The following PCDH7 variants were observed in gnomAD, a reference collection of about 807,000 sequenced individuals.
PCDH7 encodes the protein protocadherin-7.
PCDH7 carries 17 observed loss-of-function variants against 58.9 expected under a neutral mutation model. The ratio of observed to expected loss-of-function variants is 0.29; its 90% confidence interval spans 0.20 to 0.43. The LOEUF (loss-of-function observed/expected upper bound fraction) is 0.43, where lower values mean the gene tolerates loss of function less well. PCDH7 is among the 20% of genes least tolerant of loss of function. The pLI is 1.00. For missense variants in PCDH7, 1,274 were observed against 1,441.0 expected (o/e 0.88, Z 1.88); for synonymous variants, 664 against 616.4 (o/e 1.08, Z -1.14).
chr4:30,875,225 G>A (rs762856031), intron 1 of PCDH7, among the ~76,000 whole-genome samples: 5 of 151,994 alleles, frequency 3.3e-5, no homozygotes, highest in African/African-American at 4.8e-5. Context: ...GGCCATCGTC[G>A]TGTTCACATC....
chr4:30,949,494 T>C (rs748277488), intron 2 of PCDH7, among the ~76,000 whole-genome samples: 1 of 152,156 alleles, frequency 6.6e-6, no homozygotes, highest in Non-Finnish European at 1.5e-5. Flanking sequence ...TTTGAAAGTA[T>C]ACATAGTCCA....
chr4:30,897,168 T>C (rs1739555765), intron 1 of PCDH7, among the ~76,000 whole-genome samples: 1 of 152,094 alleles, frequency 6.6e-6, no homozygotes, highest in Non-Finnish European at 1.5e-5. Flanking sequence ...CCTCCCAAAG[T>C]GCTGGGATTA....
chr4:30,957,450 T>G, intron 3 of PCDH7, among the ~76,000 whole-genome samples: 1 of 152,098 alleles, frequency 6.6e-6, no homozygotes, highest in East Asian at 1.9e-4. Context: ...TGCAGGAAAA[T>G]ATTTTAAAAA....
chr4:30,765,438 GTTGT>G (rs1355395083), intron 1 of PCDH7, among the ~76,000 whole-genome samples: 1 of 152,016 alleles, frequency 6.6e-6, no homozygotes, highest in Non-Finnish European at 1.5e-5. Context: ...ATTTTGGTGT[GTTGT>G]TTGTTTGTTT....
At chr4:30,920,414 C>T (rs1743044542) in intron 2 of PCDH7, 45 bp downstream of exon 2, 1 of 1,299,192 alleles carries the variant, frequency 7.7e-7, no homozygotes, top group Non-Finnish European at 1.0e-6. Flanking sequence ...CGCTAGTGAG[C>T]CGTAATAAGT....
chr4:30,918,639 A>T (rs748419012), intron 1 of PCDH7, among the ~76,000 whole-genome samples: 3 of 152,164 alleles, frequency 2.0e-5, no homozygotes, highest in Non-Finnish European at 4.4e-5. Context: ...GTGAAACATT[A>T]TAAAGAAGAG....
At chr4:31,028,649 C>T (rs1278585943) in intron 3 of PCDH7, among the ~76,000 whole-genome samples, 2 of 115,536 alleles carry the variant, frequency 1.7e-5, no homozygotes, top group Non-Finnish European at 3.2e-5. Context: ...CAGAACAAGA[C>T]CCTGCTTCAA....
At chr4:30,902,710 A>G (rs555078942) in intron 1 of PCDH7, among the ~76,000 whole-genome samples, 111 of 152,242 alleles carry the variant, frequency 7.3e-4, no homozygotes, top group Non-Finnish European at 1.2e-3. Flanking sequence ...AAAAGTCATA[A>G]GGAAAAAAGT....
intron 3 of PCDH7, among the ~76,000 whole-genome samples, chr4:30,977,647 A>G (rs1258886491): frequency 6.6e-6 from 1 of 152,164 alleles, no homozygotes; most frequent in Non-Finnish European, 1.5e-5. Flanking sequence ...GAGTGTTCTC[A>G]GAAATTGTGT....
Position 30,723,711 on chromosome 4 carries a change from A to G in PCDH7, c.2289A>G (p.Val763=). The G allele has an allele frequency of 6.2e-7, 1 of 1,614,162 alleles. No homozygotes were observed. The highest frequency in any genetic ancestry group is 8.5e-7 in the Non-Finnish European group (1 of 1,180,000). ...CTTCGAGTAATGTCAGGACAGTAGT[A>G]GCTACAGTGTTGGCAACAGACAGTG... The change falls in exon 1 of 2, where the codon GTA becomes GTG. Residue 763 remains valine, a synonymous_variant. Transcript: ENST00000361762. The surrounding 1 kb of genome is among the most constrained non-coding windows in gnomAD (Gnocchi z 4.6).
intron 2 of PCDH7, among the ~76,000 whole-genome samples, chr4:30,927,702 C>T (rs1744055456): frequency 6.6e-6 from 1 of 152,082 alleles, no homozygotes; most frequent in Non-Finnish European, 1.5e-5. Flanking sequence ...CTCAAGTACC[C>T]AGGGACACAA....
At chr4:31,103,530 G>A (rs772649109) in intron 3 of PCDH7, among the ~76,000 whole-genome samples, 1 of 151,828 alleles carries the variant, frequency 6.6e-6, no homozygotes, top group Non-Finnish European at 1.5e-5. Flanking sequence ...GAGAGACAGG[G>A]TTTCACCATG....
intron 1 of PCDH7, among the ~76,000 whole-genome samples, chr4:30,806,094 T>C (rs1200057958): frequency 6.6e-6 from 1 of 152,140 alleles, no homozygotes; most frequent in East Asian, 1.9e-4. Context: ...GGATTTCAGA[T>C]TTTTGGATTT....
chr4:30,783,894 T>C (rs1208344491), intron 1 of PCDH7, among the ~76,000 whole-genome samples: 1 of 152,162 alleles, frequency 6.6e-6, no homozygotes, highest in East Asian at 1.9e-4. Flanking sequence ...GATAACCTGG[T>C]AGAAGCTGCT....
At chr4:30,800,561 T>C (rs1725405391) in intron 1 of PCDH7, among the ~76,000 whole-genome samples, 1 of 152,110 alleles carries the variant, frequency 6.6e-6, no homozygotes, top group Non-Finnish European at 1.5e-5. Flanking sequence ...GTTAGATGTG[T>C]TGGAAGTGCT....
intron 3 of PCDH7, among the ~76,000 whole-genome samples, chr4:30,970,539 C>T (rs528839119): frequency 2.0e-5 from 3 of 152,134 alleles, no homozygotes; most frequent in Admixed American, 6.5e-5. Context: ...GTGATCCCCC[C>T]GCCTCGGCCT....
At chr4:30,895,471 C>T (rs1227564631) in intron 1 of PCDH7, among the ~76,000 whole-genome samples, 2 of 152,090 alleles carry the variant, frequency 1.3e-5, no homozygotes, top group Admixed American at 6.5e-5. Context: ...TAGGACAAAA[C>T]GGGATTTTAT....
At chr4:30,849,386 G>A (rs1415610773) in intron 1 of PCDH7, among the ~76,000 whole-genome samples, 1 of 152,080 alleles carries the variant, frequency 6.6e-6, no homozygotes, top group Admixed American at 6.6e-5. Flanking sequence ...CTCAGAATAG[G>A]CAGACTGACC....
At chr4:30,765,817 A>G (rs144914005) in intron 1 of PCDH7, among the ~76,000 whole-genome samples, 1 of 152,334 alleles carries the variant, frequency 6.6e-6, no homozygotes, top group Non-Finnish European at 1.5e-5. Flanking sequence ...ATTTGAGGCA[A>G]TAATGACTTT....
Sources: allele counts gnomAD v4.1 joint callset (sites outside exome capture counted in the v4.1 genomes callset), GRCh38; gene constraint gnomAD v4.1.1; non-coding constraint Gnocchi (gnomAD v3.1); transcripts MANE v1.5; gene names NCBI Gene and HGNC (gene_info 2026-07-23, HGNC 2026-07-21).